SYT9: variants seen among roughly 807,000 people sequenced by gnomAD.
SYT9 encodes synaptotagmin-9.
Under a neutral mutation model 48.4 loss-of-function variants are expected in SYT9, and 22 were observed. The observed-to-expected ratio is 0.45, with a 90% CI of 0.32 to 0.65. SYT9 has a LOEUF of 0.65. Among genes scored for constraint, SYT9 ranks in the 30% least tolerant of loss-of-function variants. SYT9 has a pLI of 0.03. For missense variants in SYT9, 577 were observed against 622.0 expected (o/e 0.93, Z 0.77); for synonymous variants, 265 against 245.0 (o/e 1.08, Z -0.76).
chr11:7,416,265 C>T, intron 4 of SYT9, 103 bp downstream of exon 4: 2 of 1,412,384 alleles, frequency 1.4e-6, no homozygotes, highest in Non-Finnish European at 2.0e-6. Flanking sequence ...TGGAACCAGA[C>T]TGCCTAGGCT....
At chr11:7,349,197 G>C (rs1444174207) in intron 3 of SYT9, among the ~76,000 whole-genome samples, 1 of 152,092 alleles carries the variant, frequency 6.6e-6, no homozygotes, top group Admixed American at 6.6e-5. Context: ...CGGGGACTGG[G>C]GGGAGGGGAA....
intron 3 of SYT9, among the ~76,000 whole-genome samples, chr11:7,394,821 G>T (rs925239781): frequency 1.3e-5 from 2 of 152,042 alleles, no homozygotes; most frequent in African/African-American, 2.4e-5. Context: ...GTATATCCCT[G>T]TAAACTTTAC....
intron 4 of SYT9, 46 bp from the exon 5 acceptor site, chr11:7,417,911 T>G: frequency 6.3e-7 from 1 of 1,584,474 alleles, no homozygotes; most frequent in East Asian, 2.3e-5. Context: ...CCCACCTAAA[T>G]CTATACGTAT....
chr11:7,256,835 G>C (rs1229049856), intron 1 of SYT9, among the ~76,000 whole-genome samples: 1 of 152,088 alleles, frequency 6.6e-6, no homozygotes, highest in African/African-American at 2.4e-5. Context: ...AGGTTCAGCA[G>C]GTCAGAGTAT....
intron 6 of SYT9, among the ~76,000 whole-genome samples, chr11:7,432,883 T>C (rs1378951022): frequency 6.6e-6 from 1 of 151,922 alleles, no homozygotes; most frequent in Non-Finnish European, 1.5e-5. Context: ...CTTTGGGGGA[T>C]TATTGGGAAC....
chr11:7,348,045 G>A (rs1174398269), intron 3 of SYT9, among the ~76,000 whole-genome samples: 1 of 152,182 alleles, frequency 6.6e-6, no homozygotes, highest in Non-Finnish European at 1.5e-5. Context: ...GGACTTTCCT[G>A]AATACTTGGA....
chr11:7,345,388 A>C (rs1313513010), intron 3 of SYT9, among the ~76,000 whole-genome samples: 1 of 152,158 alleles, frequency 6.6e-6, no homozygotes, highest in South Asian at 2.1e-4. Context: ...TCATTGTTTC[A>C]TATATTTTGT....
intron 3 of SYT9, among the ~76,000 whole-genome samples, chr11:7,404,435 C>T (rs997316766): frequency 2.0e-5 from 3 of 151,900 alleles, no homozygotes; most frequent in Middle Eastern, 3.2e-3. Flanking sequence ...TCATTGATTT[C>T]GTCTCCTTTT....
In SYT9 at chr11:7,252,284, T is replaced by C; in HGVS notation, c.98T>C (p.Phe33Ser). The C allele has an allele frequency of 6.6e-7, 1 of 1,513,788 alleles. No homozygotes were observed. Among genetic ancestry groups the C allele is most frequent in the Non-Finnish European group, 8.8e-7 (1 of 1,130,618 alleles). 93.8% of individuals were successfully genotyped at this position (1,513,788 alleles called of 1,614,324 possible). A position where few individuals can be genotyped will look rare whatever the true frequency, so the allele number is the denominator to read the frequency against. Reference sequence around the variant, plus strand: ...CTGGAGCACGACAGCTGCCAGGATTTCATTTACCACCTGCGGGACCGTGCC... The same window carrying C: ...CTGGAGCACGACAGCTGCCAGGATTCCATTTACCACCTGCGGGACCGTGCC... ...GALEHDSCQD[F>S]IYHLRDRARP... is the part of the protein sequence containing the mutation. The change falls in exon 1 of 7, where the codon TTC becomes TCC. Residue 33 changes from phenylalanine (F) to serine (S), a missense_variant. Coordinates refer to ENST00000318881, the MANE Select transcript of SYT9 (RefSeq NM_175733.4). The surrounding 1 kb of genome is among the most constrained non-coding windows in gnomAD (Gnocchi z 6.3).
intron 4 of SYT9, among the ~76,000 whole-genome samples, chr11:7,416,512 G>T (rs1564896146): frequency 1.3e-5 from 2 of 152,130 alleles, no homozygotes; most frequent in Admixed American, 1.3e-4. Context: ...CACATCTGTA[G>T]ATTCAACCAA....
intron 1 of SYT9, among the ~76,000 whole-genome samples, chr11:7,297,051 T>C (rs911072567): frequency 6.8e-6 from 1 of 146,828 alleles, no homozygotes; most frequent in African/African-American, 2.5e-5. Flanking sequence ...TCTTGTATTC[T>C]GAACCACGGT....
At chr11:7,310,080 G>A (rs1849103470) in intron 2 of SYT9, among the ~76,000 whole-genome samples, 1 of 152,180 alleles carries the variant, frequency 6.6e-6, no homozygotes, top group South Asian at 2.1e-4. Flanking sequence ...AAATGTTTCA[G>A]TAGATAATAG....
In SYT9 at chr11:7,416,247, A is replaced by T. The variant is rs114606922; in HGVS notation, c.1165+85A>T. The T allele has an allele frequency of 1.1e-3, 1,741 of 1,530,682 alleles. 9 individuals carry two copies. In the African/African-American group the frequency reaches 0.016, roughly 14 times the overall value. The allele number at this position is 1,530,682 out of a possible 1,614,324, so 94.8% of individuals were successfully genotyped here. A position where few individuals can be genotyped will look rare whatever the true frequency, so the allele number is the denominator to read the frequency against. ...AAGTTTTAGTATGGTAATAAAGCAC[A>T]TTGACTCTGGAACCAGACTGCCTAG... On this transcript the variant is annotated intron_variant, in intron 4 of 6. Coordinates refer to ENST00000318881, the MANE Select transcript of SYT9 (RefSeq NM_175733.4).
At chr11:7,289,098 C>G (rs1848652304) in intron 1 of SYT9, among the ~76,000 whole-genome samples, 1 of 152,140 alleles carries the variant, frequency 6.6e-6, no homozygotes, top group Non-Finnish European at 1.5e-5. Context: ...CTATTTGTAG[C>G]CCTCTTTCCT....
At chr11:7,348,134 T>C (rs1023243453) in intron 3 of SYT9, among the ~76,000 whole-genome samples, 4 of 152,162 alleles carry the variant, frequency 2.6e-5, no homozygotes, top group Non-Finnish European at 4.4e-5. Flanking sequence ...TCATGCAATG[T>C]TTAACAATTA....
chr11:7,376,501 GATTCCTACAC>G (rs1356251035), intron 3 of SYT9, among the ~76,000 whole-genome samples: 1 of 151,998 alleles, frequency 6.6e-6, no homozygotes, highest in African/African-American at 2.4e-5. Context: ...AAGAAGAGCA[GATTCCTACAC>G]ACCATAGACT....
At chr11:7,276,066 A>G (rs1280047012) in intron 1 of SYT9, among the ~76,000 whole-genome samples, 2 of 152,142 alleles carry the variant, frequency 1.3e-5, no homozygotes, top group Admixed American at 1.3e-4. Context: ...GAGTGAATAC[A>G]CCATCCCCCA....
At chr11:7,330,545 G>A (rs967762766) in intron 3 of SYT9, among the ~76,000 whole-genome samples, 53 of 152,224 alleles carry the variant, frequency 3.5e-4, no homozygotes, top group African/African-American at 1.2e-3. Flanking sequence ...AAGAGTGACC[G>A]TCGAGTTTGA....
rs1176992709 is a variant in SYT9, at chr11:7,252,776, C to T, written c.145+445C>T. On this transcript the variant is annotated intron_variant, in intron 1 of 6. Coordinates refer to ENST00000318881, the MANE Select transcript of SYT9 (RefSeq NM_175733.4). This position sits in a 1 kb window ranked among gnomAD's most constrained non-coding sequence, Gnocchi z 6.3. Reference sequence around the variant, plus strand: ...GGCCCCGGGTTGGGGCCGAATCCCACCGGGTGCTGCTCATCCTTTCTCCCA... The same window carrying T: ...GGCCCCGGGTTGGGGCCGAATCCCATCGGGTGCTGCTCATCCTTTCTCCCA... Among the ~76,000 whole-genome samples the T allele has an allele frequency of 2.0e-5, 3 of 152,250 alleles. No homozygotes were observed. The highest frequency in any genetic ancestry group is 4.4e-5 in the Non-Finnish European group (3 of 68,048).
Sources: allele counts gnomAD v4.1 joint callset (sites outside exome capture counted in the v4.1 genomes callset), GRCh38; gene constraint gnomAD v4.1.1; non-coding constraint Gnocchi (gnomAD v3.1); transcripts MANE v1.5; gene names NCBI Gene and HGNC (gene_info 2026-07-23, HGNC 2026-07-21).